Variants in MMP16 observed in about 807,000 individuals in gnomAD.
The protein encoded by MMP16 is matrix metalloproteinase-16.
A neutral mutation model predicts 67.8 loss-of-function variants in MMP16; 12 were observed. The observed-to-expected ratio is 0.18, with a 90% confidence interval of 0.11 to 0.29. The LOEUF is 0.29. Among genes scored for constraint, MMP16 ranks in the 10% least tolerant of loss-of-function variants. The pLI is 1.00. For missense variants in MMP16, 475 were observed against 765.7 expected (o/e 0.62, Z 4.48); for synonymous variants, 249 against 255.9 (o/e 0.97, Z 0.26).
At chr8:88,220,777 C>T (rs915637399) in intron 1 of MMP16, among the ~76,000 whole-genome samples, 1 of 152,084 alleles carries the variant, frequency 6.6e-6, no homozygotes, top group Admixed American at 6.6e-5. Context: ...GTGCTCTGTT[C>T]CACCCAAACT....
At chr8:88,117,178 C>T (rs1356378280) in intron 5 of MMP16, among the ~76,000 whole-genome samples, 1 of 152,134 alleles carries the variant, frequency 6.6e-6, no homozygotes, top group Non-Finnish European at 1.5e-5. Context: ...AAAGTTTATT[C>T]TATCCAATGT....
At chr8:88,245,395 T>G (rs921198047) in intron 1 of MMP16, among the ~76,000 whole-genome samples, 3 of 152,204 alleles carry the variant, frequency 2.0e-5, no homozygotes, top group Non-Finnish European at 4.4e-5. Flanking sequence ...GGATGCACTC[T>G]CTGACAGGCA....
At chr8:88,226,191 A>G (rs1208034802) in intron 1 of MMP16, among the ~76,000 whole-genome samples, 3 of 151,882 alleles carry the variant, frequency 2.0e-5, no homozygotes, top group East Asian at 1.9e-4. Context: ...TCAAACATTC[A>G]TCTTTTTTCA....
chr8:88,296,356 T>TA (rs1405026087), intron 1 of MMP16, among the ~76,000 whole-genome samples: 1 of 152,238 alleles, frequency 6.6e-6, no homozygotes. Context: ...TGTCTGTATA[T>TA]ATCATAAGAA....
In MMP16 at chr8:88,102,981, T is replaced by C. The variant is rs527886137; in HGVS notation, c.1083+13526A>G. ...ACCAAGTCATTCTTAGTCTATTCTGTTGGCCAGTTAACCTGGCCAGTGGAA... is the reference window on the plus strand; with the variant it reads ...ACCAAGTCATTCTTAGTCTATTCTGCTGGCCAGTTAACCTGGCCAGTGGAA... On this transcript the variant is annotated intron_variant, in intron 6 of 9. Transcript: ENST00000286614. Among the ~76,000 whole-genome samples the C allele has an allele frequency of 4.6e-5, 7 of 151,986 alleles. No homozygotes were observed. In the South Asian group the frequency reaches 1.5e-3, roughly 31 times the overall value.
At chr8:88,259,756 T>C (rs1434145969) in intron 1 of MMP16, among the ~76,000 whole-genome samples, 2 of 152,174 alleles carry the variant, frequency 1.3e-5, no homozygotes, top group Non-Finnish European at 2.9e-5. Context: ...ATTTTGAAGA[T>C]TATTTTAGGA....
At chr8:88,301,698 T>C (rs1212477183) in intron 1 of MMP16, among the ~76,000 whole-genome samples, 3 of 152,216 alleles carry the variant, frequency 2.0e-5, no homozygotes, top group Non-Finnish European at 4.4e-5. Context: ...GACTGAATCA[T>C]AGCTACTACA....
chr8:88,188,168 T>A (rs1809103227), intron 2 of MMP16, among the ~76,000 whole-genome samples: 1 of 152,226 alleles, frequency 6.6e-6, no homozygotes, highest in Non-Finnish European at 1.5e-5. Flanking sequence ...TAGATGGATA[T>A]GGTTATTTTT....
At chr8:88,143,162 G>A (rs564801409) in intron 4 of MMP16, among the ~76,000 whole-genome samples, 81 of 152,138 alleles carry the variant, frequency 5.3e-4, no homozygotes, top group African/African-American at 1.8e-3. Flanking sequence ...ACATATCTGG[G>A]TCAATCTGAA....
Position 88,118,960 on chromosome 8 carries a change from A to T in MMP16, c.710-99T>A, listed in dbSNP as rs1563537292. ...TATCAACATTTTACCCAAGAAAAATAGGAGGTACTCTTTCCTTCAACTATT... is the reference window on the plus strand; with the variant it reads ...TATCAACATTTTACCCAAGAAAAATTGGAGGTACTCTTTCCTTCAACTATT... On this transcript the variant is annotated intron_variant, in intron 4 of 9. Transcript: ENST00000286614. 4 of 1,121,310 alleles carry T rather than the reference A, an allele frequency of 3.6e-6. No homozygotes were observed. The East Asian group carries it at 1.0e-4, about 29-fold the overall frequency. 69.5% of individuals were successfully genotyped at this position (1,121,310 alleles called of 1,614,324 possible).
chr8:88,162,572 AG>A (rs1322042234), intron 4 of MMP16, among the ~76,000 whole-genome samples: 22 of 152,094 alleles, frequency 1.4e-4, no homozygotes, highest in Admixed American at 6.6e-4. Flanking sequence ...GAATTTAGAC[AG>A]TATTCCCACA....
At chr8:88,128,807 CTG>C (rs1224599245) in intron 4 of MMP16, among the ~76,000 whole-genome samples, 1 of 151,730 alleles carries the variant, frequency 6.6e-6, no homozygotes, top group African/African-American at 2.4e-5. Context: ...TATTTATAGG[CTG>C]TGGAAGGAGG....
intron 1 of MMP16, among the ~76,000 whole-genome samples, chr8:88,306,656 T>C (rs1189375925): frequency 6.6e-6 from 1 of 152,212 alleles, no homozygotes; most frequent in Admixed American, 6.5e-5. Flanking sequence ...ATTCATCACC[T>C]ACACACAACC....
intron 1 of MMP16, among the ~76,000 whole-genome samples, chr8:88,294,394 A>G (rs977335266): frequency 6.6e-6 from 1 of 150,766 alleles, no homozygotes; most frequent in Non-Finnish European, 1.5e-5. Flanking sequence ...ACACATATAT[A>G]CATATGTATA....
intron 4 of MMP16, among the ~76,000 whole-genome samples, chr8:88,142,537 T>C (rs1411464432): frequency 6.6e-6 from 1 of 152,080 alleles, no homozygotes; most frequent in Non-Finnish European, 1.5e-5. Flanking sequence ...TTTAATAATT[T>C]TCTAACTTCC....
At chr8:88,197,065 C>T (rs1809267639) in intron 2 of MMP16, 93 bp downstream of exon 2, 1 of 1,188,332 alleles carries the variant, frequency 8.4e-7, no homozygotes, top group South Asian at 1.5e-5. Context: ...CAAATTACTC[C>T]ATTTCTGGTT....
At chr8:88,095,276 T>C (rs906311273) in intron 6 of MMP16, among the ~76,000 whole-genome samples, 5 of 151,978 alleles carry the variant, frequency 3.3e-5, no homozygotes, top group African/African-American at 1.2e-4. Flanking sequence ...GTGTGTGTTT[T>C]TGTTGTTGTT....
At chr8:88,266,232 T>C (rs973435926) in intron 1 of MMP16, among the ~76,000 whole-genome samples, 3 of 152,146 alleles carry the variant, frequency 2.0e-5, no homozygotes, top group Non-Finnish European at 4.4e-5. Flanking sequence ...AGAGAGTAAA[T>C]AGACTAATTT....
chr8:88,105,436 C>G (rs556165449), intron 6 of MMP16, among the ~76,000 whole-genome samples: 1 of 151,568 alleles, frequency 6.6e-6, no homozygotes, highest in East Asian at 2.0e-4. Flanking sequence ...TAAAATTGGA[C>G]TCATTTGCTA....
Sources: allele counts gnomAD v4.1 joint callset (sites outside exome capture counted in the v4.1 genomes callset), GRCh38; gene constraint gnomAD v4.1.1; transcripts MANE v1.5; gene names NCBI Gene and HGNC (gene_info 2026-07-23, HGNC 2026-07-21).